The following PLEKHG1 variants were observed in gnomAD, a reference collection of about 807,000 sequenced individuals.
The protein encoded by PLEKHG1 is pleckstrin homology and RhoGEF domain containing G1, also known as pleckstrin homology domain-containing family G member 1.
A neutral mutation model predicts 100.8 loss-of-function variants in PLEKHG1; 44 were observed. That is an observed-to-expected ratio of 0.44 (90% CI 0.34 to 0.56). The LOEUF (loss-of-function observed/expected upper bound fraction) is 0.56. PLEKHG1 is among the 20% of genes least tolerant of loss of function. The probability of loss-of-function intolerance (pLI) is 0.01; values close to 1 mark genes in which losing one functional copy is unlikely to be tolerated. For synonymous variants in PLEKHG1, 640 were observed against 662.5 expected (o/e 0.97, Z 0.52); for missense variants, 1,545 against 1,720.9 (o/e 0.90, Z 1.81).
intron 4 of PLEKHG1, among the ~76,000 whole-genome samples, chr6:150,794,134 G>T (rs9478823): frequency 0.042 from 6,449 of 152,158 alleles, 450 homozygotes; most frequent in African/African-American, 0.15. Context: ...TGGAACTGGG[G>T]CTGTGCCGCA....
intron 3 of PLEKHG1, among the ~76,000 whole-genome samples, chr6:150,701,307 G>A (rs1164284211): frequency 9.0e-5 from 13 of 145,062 alleles, no homozygotes; most frequent in Non-Finnish European, 1.7e-4. Context: ...GTAACAGAGT[G>A]AGACTCTATC....
intron 2 of PLEKHG1, among the ~76,000 whole-genome samples, chr6:150,754,073 G>C (rs1359450190): frequency 6.6e-6 from 1 of 152,230 alleles, no homozygotes; most frequent in Non-Finnish European, 1.5e-5. Context: ...AGCACTACAT[G>C]ATGATGACCC....
chr6:150,757,153 A>G (rs1016726037), intron 2 of PLEKHG1, among the ~76,000 whole-genome samples: 4 of 152,022 alleles, frequency 2.6e-5, no homozygotes, highest in Non-Finnish European at 5.9e-5. Context: ...GCCCACTACC[A>G]CGCCGAGCAA....
chr6:150,677,288 A>G (rs1156581976), intron 3 of PLEKHG1, among the ~76,000 whole-genome samples: 1 of 150,420 alleles, frequency 6.6e-6, no homozygotes, highest in South Asian at 2.1e-4. Flanking sequence ...TCCCCTATAC[A>G]CACACACACA....
intron 2 of PLEKHG1, among the ~76,000 whole-genome samples, chr6:150,737,660 A>G (rs1275856313): frequency 6.6e-6 from 1 of 152,098 alleles, no homozygotes; most frequent in East Asian, 1.9e-4. Flanking sequence ...TTTCTAACCT[A>G]TTTGTATAAT....
At chr6:150,637,809 TA>T (rs1778073552) in intron 1 of PLEKHG1, among the ~76,000 whole-genome samples, 1 of 152,222 alleles carries the variant, frequency 6.6e-6, no homozygotes, top group African/African-American at 2.4e-5. Flanking sequence ...AAGTCTTCTC[TA>T]GCTTAGGATA....
intron 1 of PLEKHG1, among the ~76,000 whole-genome samples, chr6:150,603,541 C>T (rs576536566): frequency 1.3e-5 from 2 of 152,182 alleles, no homozygotes; most frequent in South Asian, 2.1e-4. Context: ...TGGGCCATAG[C>T]GTATCTAATG....
intron 1 of PLEKHG1, among the ~76,000 whole-genome samples, chr6:150,632,558 G>T (rs1057208708): frequency 1.3e-5 from 2 of 152,252 alleles, no homozygotes; most frequent in Non-Finnish European, 2.9e-5. Flanking sequence ...CCTCTACCTG[G>T]CCTCTCCCGC....
rs771521918 is a variant in PLEKHG1, at chr6:150,734,099, C to T, written c.411+7C>T. ...TTTAAAAAGCATCGTAGAGGTAAGACCGACTTCGCTTTTAATGTTTGCCAT... is the reference window on the plus strand; with the variant it reads ...TTTAAAAAGCATCGTAGAGGTAAGATCGACTTCGCTTTTAATGTTTGCCAT... On this transcript the variant is annotated splice_region_variant and intron_variant, in intron 2 of 15. Coordinates refer to ENST00000358517, the Ensembl canonical transcript of PLEKHG1. 10 of 1,593,580 alleles carry T rather than the reference C, an allele frequency of 6.3e-6. No homozygotes were observed. Among genetic ancestry groups the T allele is most frequent in the Admixed American group, 1.7e-5 (1 of 57,222 alleles).
At chr6:150,676,114 A>C (rs1779749930) in intron 3 of PLEKHG1, among the ~76,000 whole-genome samples, 1 of 152,244 alleles carries the variant, frequency 6.6e-6, no homozygotes, top group African/African-American at 2.4e-5. Context: ...AAAATTGAAA[A>C]GGGCAAAGAT....
rs146734932 is a variant in PLEKHG1 at position 150,662,946 on chromosome 6, C to T, written c.-99+12160C>T. 27 of 152,244 alleles carry T rather than the reference C, an allele frequency of 1.8e-4. No homozygotes were observed. The East Asian group carries it at 4.6e-3, about 26-fold the overall frequency. 9.4% of individuals were successfully genotyped at this position (152,244 alleles called of 1,614,324 possible). On this transcript the variant is annotated intron_variant, in intron 3 of 3. Coordinates refer to the PLEKHG1 transcript ENST00000367326. ...AACATGAGCTTTTCTATCTGAAGAA[C>T]TTTAAAGCACTTATGAAAAGTATGA...
intron 1 of PLEKHG1, among the ~76,000 whole-genome samples, chr6:150,607,127 A>C (rs1411381628): frequency 6.6e-6 from 1 of 152,142 alleles, no homozygotes; most frequent in African/African-American, 2.4e-5. Context: ...AGTCTTTGGA[A>C]ACAAGTAGAA....
chr6:150,664,564 C>T (rs940826306), intron 3 of PLEKHG1: 4 of 152,240 alleles, frequency 2.6e-5, no homozygotes, highest in African/African-American at 9.6e-5. Context: ...GCTCTTATCT[C>T]TACACACTAT....
At chr6:150,685,609 C>T (rs954482139) in intron 3 of PLEKHG1, among the ~76,000 whole-genome samples, 5 of 151,514 alleles carry the variant, frequency 3.3e-5, no homozygotes, top group South Asian at 2.1e-4. Context: ...TCCTGCATTT[C>T]GACTTTCTCT....
chr6:150,742,607 C>A (rs1467760670), intron 2 of PLEKHG1, among the ~76,000 whole-genome samples: 1 of 151,150 alleles, frequency 6.6e-6, no homozygotes, highest in African/African-American at 2.4e-5. Context: ...GCAGGGAGGG[C>A]CCGCACACTC....
At chr6:150,824,672 G>C (rs1188281823) in intron 14 of PLEKHG1, among the ~76,000 whole-genome samples, 2 of 151,638 alleles carry the variant, frequency 1.3e-5, no homozygotes, top group Non-Finnish European at 2.9e-5. Context: ...TTGGACTACA[G>C]GCACCCGCCA....
intron 2 of PLEKHG1, among the ~76,000 whole-genome samples, chr6:150,644,069 C>T (rs749617976): frequency 5.9e-5 from 9 of 151,996 alleles, no homozygotes; most frequent in South Asian, 2.1e-4. Context: ...AGTGGATAAA[C>T]GAATTTTGAG....
intron 1 of PLEKHG1, among the ~76,000 whole-genome samples, chr6:150,612,531 C>G (rs1028138705): frequency 2.6e-5 from 4 of 152,108 alleles, no homozygotes; most frequent in Admixed American, 6.6e-5. Context: ...CGGGGTTTTG[C>G]CATGTTGTCC....
chr6:150,674,869 G>T (rs1209747799), intron 3 of PLEKHG1, among the ~76,000 whole-genome samples: 2 of 152,068 alleles, frequency 1.3e-5, no homozygotes, highest in Admixed American at 6.6e-5. Context: ...TTTTAGTAGA[G>T]ATGGGGTTTC....
Sources: gnomAD v4.1 joint callset for allele counts (sites outside exome capture counted in the v4.1 genomes callset) on GRCh38, gnomAD v4.1.1 for gene constraint, MANE v1.5 for transcripts, NCBI Gene and HGNC (gene_info 2026-07-23, HGNC 2026-07-21) for gene names.